Variants in CNGA3 observed in about 807,000 individuals in gnomAD.
CNGA3 encodes cyclic nucleotide gated channel subunit alpha 3, also known as cyclic nucleotide-gated channel alpha-3.
In CNGA3, 42 loss-of-function variants were observed where a neutral mutation model predicts 46.6. That is an observed-to-expected ratio of 0.90 (90% CI 0.70 to 1.17). The LOEUF (loss-of-function observed/expected upper bound fraction) is 1.17. Among genes scored for constraint, CNGA3 ranks in the 50% most tolerant of loss-of-function variants. CNGA3 has a pLI of 0.00. For missense variants in CNGA3, 893 were observed against 890.7 expected, an observed-to-expected ratio of 1.00 and a Z score of -0.03; for synonymous variants, 394 against 369.4, an observed-to-expected ratio of 1.07 and a Z score of -0.76.
intron 1 of CNGA3, among the ~76,000 whole-genome samples, chr2:98,353,877 G>A (rs750732944): frequency 5.9e-5 from 9 of 152,148 alleles, no homozygotes; most frequent in Non-Finnish European, 1.2e-4. Context: ...GGGCAAGTGG[G>A]GGAGGTGTCA....
chr2:98,359,679 C>T lies in CNGA3; in HGVS notation c.-37-10260C>T, dbSNP rs147392984. 1.2e-3 allele frequency among the ~76,000 whole-genome samples: 181 copies of T among 152,322 alleles called. 2 individuals are homozygous for T. The highest frequency in any genetic ancestry group is 4.2e-3 in the African/African-American group (175 of 41,570). On this transcript the variant is annotated intron_variant, in intron 1 of 7. Coordinates refer to ENST00000272602, the MANE Select transcript of CNGA3 (RefSeq NM_001298.3). Reference sequence around the variant, plus strand: ...CCTTCTGTCCCCAGCCCTAGGTCCACACCACGTCAAAGGGGCCTTGCACAG... The same window carrying T: ...CCTTCTGTCCCCAGCCCTAGGTCCATACCACGTCAAAGGGGCCTTGCACAG...
intron 2 of CNGA3, among the ~76,000 whole-genome samples, chr2:98,375,357 G>A (rs369254416): frequency 3.9e-5 from 6 of 152,336 alleles, no homozygotes; most frequent in East Asian, 3.9e-4. Context: ...CCTTGGGATT[G>A]CCTCCAGATC....
At chr2:98,358,456 C>T (rs1038016848) in intron 1 of CNGA3, among the ~76,000 whole-genome samples, 13 of 151,948 alleles carry the variant, frequency 8.6e-5, no homozygotes, top group African/African-American at 3.1e-4. Flanking sequence ...GATGGAAGAA[C>T]AAAGAATCCC....
At chr2:98,390,651 G>C (rs1188469121) in intron 6 of CNGA3, among the ~76,000 whole-genome samples, 1 of 152,100 alleles carries the variant, frequency 6.6e-6, no homozygotes, top group Non-Finnish European at 1.5e-5. Flanking sequence ...TGCTGCTTGT[G>C]GGGGCTGGCG....
chr2:98,378,835 C>T (rs113355532), intron 3 of CNGA3, among the ~76,000 whole-genome samples: 1 of 152,204 alleles, frequency 6.6e-6, no homozygotes, highest in African/African-American at 2.4e-5. Context: ...AGGTAGTCAC[C>T]TTCCCCCTCC....
At position 98,391,921 on chromosome 2, in the gene CNGA3, C is replaced by T; in HGVS notation, c.624C>T (p.Tyr208=). 1 of 1,614,180 alleles carries T rather than the reference C, an allele frequency of 6.2e-7. No homozygotes were observed. Among genetic ancestry groups the T allele is most frequent in the South Asian group, 1.1e-5 (1 of 91,090 alleles). ...EYLMLWLVLD[Y]SADVLYVLDV... ...TGATGCTGTGGCTGGTCCTGGACTA[C>T]TCGGCAGATGTCCTGTATGTCTTGG... The change falls in exon 7 of 8, where the codon TAC becomes TAT. Residue 208 remains tyrosine, a synonymous_variant. Transcript: ENST00000272602.
At chr2:98,371,421 C>T (rs1692286744) in intron 2 of CNGA3, among the ~76,000 whole-genome samples, 1 of 152,178 alleles carries the variant, frequency 6.6e-6, no homozygotes, top group South Asian at 2.1e-4. Flanking sequence ...TCAGCAAACT[C>T]TGCTAATAAG....
chr2:98,355,944 T>TCTCCATAAGCCTAGGAC (rs1691869808), intron 1 of CNGA3: 1 of 152,180 alleles, frequency 6.6e-6, no homozygotes, highest in Admixed American at 6.5e-5. Flanking sequence ...GGGTTTTCTC[T>TCTCCATAAGCCTAGGAC]CTCCATAAGC....
intron 4 of CNGA3, among the ~76,000 whole-genome samples, chr2:98,382,229 C>T (rs1189026359): frequency 6.6e-6 from 1 of 152,210 alleles, no homozygotes; most frequent in Non-Finnish European, 1.5e-5. Context: ...GAGGCAAAGT[C>T]TCCACTGCAA....
intron 1 of CNGA3, among the ~76,000 whole-genome samples, chr2:98,366,011 G>T (rs1382884297): frequency 6.6e-6 from 1 of 152,232 alleles, no homozygotes; most frequent in African/African-American, 2.4e-5. Context: ...ATTTTTGGCA[G>T]ATTCTTTCTC....
chr2:98,362,562 G>A (rs911341857), intron 1 of CNGA3, among the ~76,000 whole-genome samples: 17 of 152,006 alleles, frequency 1.1e-4, no homozygotes, highest in African/African-American at 4.1e-4. Flanking sequence ...ACCTTTGCCA[G>A]ATGGGTAGAT....
chr2:98,360,354 G>A (rs763831082), intron 1 of CNGA3, among the ~76,000 whole-genome samples: 5 of 152,214 alleles, frequency 3.3e-5, no homozygotes, highest in Non-Finnish European at 5.9e-5. Context: ...GCCCAGGATA[G>A]AGAAAGCAGC....
At chr2:98,375,528 A>T (rs779640820) in intron 2 of CNGA3, among the ~76,000 whole-genome samples, 1 of 152,242 alleles carries the variant, frequency 6.6e-6, no homozygotes, top group Non-Finnish European at 1.5e-5. Flanking sequence ...TATACAGAAT[A>T]TGAAGCGGGC....
chr2:98,381,872 A>G (rs1692546316), intron 4 of CNGA3, among the ~76,000 whole-genome samples: 1 of 152,172 alleles, frequency 6.6e-6, no homozygotes. Context: ...AAGAAAGAGG[A>G]CAAAGTGGGG....
At chr2:98,363,404 T>C (rs770717076) in intron 1 of CNGA3, among the ~76,000 whole-genome samples, 1 of 152,236 alleles carries the variant, frequency 6.6e-6, no homozygotes, top group Non-Finnish European at 1.5e-5. Context: ...TGACTCTCTT[T>C]GTAGAAATTT....
At chr2:98,375,848 C>T (rs1057017297) in intron 2 of CNGA3, among the ~76,000 whole-genome samples, 3 of 151,890 alleles carry the variant, frequency 2.0e-5, no homozygotes, top group African/African-American at 4.8e-5. Context: ...ATTGGAATCT[C>T]GGCTGTACCA....
chr2:98,384,041 C>T (rs1353417176), intron 5 of CNGA3, among the ~76,000 whole-genome samples: 1 of 152,110 alleles, frequency 6.6e-6, no homozygotes, highest in Non-Finnish European at 1.5e-5. Flanking sequence ...CGCCCGCCAC[C>T]ACACCCGGCT....
chr2:98,397,549 A>G lies in CNGA3; in HGVS notation c.*294A>G, dbSNP rs1454206515. On this transcript the variant is annotated 3_prime_UTR_variant, in exon 8 of 8. Transcript: ENST00000272602. ...AAGTATATGAAAACGTGCACACAGG[A>G]CTCTCATTACTTTTTTATGGAATCT... 2 of 452,238 alleles carry G rather than the reference A, an allele frequency of 4.4e-6. No homozygotes were observed. The highest frequency in any genetic ancestry group is 8.0e-6 in the Non-Finnish European group (2 of 251,092). The allele number at this position is 452,238 out of a possible 1,614,324, so 28.0% of individuals were successfully genotyped here.
intron 2 of CNGA3, among the ~76,000 whole-genome samples, chr2:98,370,437 C>T (rs141225944): frequency 1.4e-4 from 22 of 152,362 alleles, no homozygotes; most frequent in Admixed American, 1.3e-3. Flanking sequence ...TTGCTGTGCA[C>T]CAGCCACTGA....
Sources: allele counts gnomAD v4.1 joint callset (sites outside exome capture counted in the v4.1 genomes callset), GRCh38; gene constraint gnomAD v4.1.1; transcripts MANE v1.5; gene names NCBI Gene and HGNC (gene_info 2026-07-23, HGNC 2026-07-21).